The following RNF121 variants were observed in gnomAD, a reference collection of about 807,000 sequenced individuals.
RNF121 encodes the protein ring finger protein 121.
RNF121 carries 21 observed loss-of-function variants against 46.5 expected under a neutral mutation model. That is an observed-to-expected ratio of 0.45 (90% CI 0.32 to 0.65). The LOEUF is 0.65. Ranked by LOEUF, RNF121 falls within the 30% of genes least tolerant of loss-of-function variation. The pLI is 0.04. For synonymous variants in RNF121, 139 were observed against 144.7 expected (o/e 0.96, Z 0.28); for missense variants, 346 against 416.0 (o/e 0.83, Z 1.46).
At chr11:71,932,633 G>T (rs954763000) in intron 1 of RNF121, among the ~76,000 whole-genome samples, 13 of 152,212 alleles carry the variant, frequency 8.5e-5, no homozygotes, top group African/African-American at 2.9e-4. Flanking sequence ...GGAAGCTGAG[G>T]TTCAGAGGAT....
intron 7 of RNF121, 36 bp downstream of exon 7, chr11:71,994,888 T>A (rs1419322182): frequency 6.2e-7 from 1 of 1,613,610 alleles, no homozygotes; most frequent in Non-Finnish European, 8.5e-7. Context: ...ACATCTCTCC[T>A]GCAATCTGCA....
At chr11:71,952,242 A>G (rs1823577128) in intron 1 of RNF121, among the ~76,000 whole-genome samples, 1 of 152,236 alleles carries the variant, frequency 6.6e-6, no homozygotes, top group Admixed American at 6.5e-5. Context: ...TTATGATCCC[A>G]TTTATATGAA....
At chr11:71,962,741 T>TAA (rs1954166617) in intron 3 of RNF121, among the ~76,000 whole-genome samples, 1 of 152,232 alleles carries the variant, frequency 6.6e-6, no homozygotes, top group East Asian at 1.9e-4. Context: ...AGTCATGTGG[T>TAA]AACTCTGTGT....
At chr11:71,937,245 T>A (rs964653829) in intron 1 of RNF121, among the ~76,000 whole-genome samples, 1 of 152,204 alleles carries the variant, frequency 6.6e-6, no homozygotes, top group African/African-American at 2.4e-5. Context: ...TTTTTTCATC[T>A]CTGTATTTTC....
chr11:71,947,484 A>G (rs929351178), intron 1 of RNF121, among the ~76,000 whole-genome samples: 1 of 2,388 alleles, frequency 4.2e-4, no homozygotes, highest in African/African-American at 8.4e-4. Flanking sequence ...GACCTGTCTC[A>G]AAAAAAAAAA....
At chr11:71,929,667 A>G (rs1953218556) in intron 1 of RNF121, among the ~76,000 whole-genome samples, 1 of 152,216 alleles carries the variant, frequency 6.6e-6, no homozygotes, top group Non-Finnish European at 1.5e-5. Flanking sequence ...TTGGCCAACG[A>G]ATGAAGGAAC....
At chr11:71,946,861 C>T in intron 1 of RNF121, among the ~76,000 whole-genome samples, 1 of 124,184 alleles carries the variant, frequency 8.1e-6, no homozygotes, top group Admixed American at 9.1e-5. Flanking sequence ...TACAGGTGCT[C>T]TGGCTCTTTT....
At chr11:71,936,057 C>T (rs1953399890) in intron 1 of RNF121, among the ~76,000 whole-genome samples, 2 of 151,722 alleles carry the variant, frequency 1.3e-5, no homozygotes, top group South Asian at 4.2e-4. Context: ...CCGTGTTAGC[C>T]AGGACGGTCT....
At chr11:71,929,598 A>T (rs1366771635) in intron 1 of RNF121, among the ~76,000 whole-genome samples, 1 of 152,144 alleles carries the variant, frequency 6.6e-6, no homozygotes, top group Non-Finnish European at 1.5e-5. Context: ...TAAAGTTGGA[A>T]CTGTTTTATT....
chr11:71,951,522 T>C (rs750092412), intron 1 of RNF121, among the ~76,000 whole-genome samples: 1 of 151,218 alleles, frequency 6.6e-6, no homozygotes, highest in Non-Finnish European at 1.5e-5. Flanking sequence ...GCTACTTGGG[T>C]GGCTGGGGTG....
intron 4 of RNF121, among the ~76,000 whole-genome samples, chr11:71,984,745 A>ATTTTTTTTTTTTTTTTTTTTT (rs56134788): frequency 2.1e-5 from 2 of 94,868 alleles, no homozygotes; most frequent in African/African-American, 8.8e-5. Context: ...CACCCGGCTA[A>ATTTTTTTTTTTTTTTTTTTTT]TTTTTTTTTT....
intron 3 of RNF121, among the ~76,000 whole-genome samples, chr11:71,977,235 G>A (rs1170721743): frequency 6.6e-6 from 1 of 152,164 alleles, no homozygotes; most frequent in Non-Finnish European, 1.5e-5. Flanking sequence ...CAACATGAGG[G>A]GATGCAGAGG....
intron 1 of RNF121, among the ~76,000 whole-genome samples, chr11:71,942,770 C>CTG (rs1362576461): frequency 9.6e-4 from 22 of 22,992 alleles, no homozygotes; most frequent in Non-Finnish European, 2.1e-3. Context: ...ATCTATATAT[C>CTG]TGTATATATA....
intron 4 of RNF121, among the ~76,000 whole-genome samples, chr11:71,986,029 T>G (rs975125649): frequency 4.6e-5 from 7 of 152,166 alleles, no homozygotes; most frequent in Non-Finnish European, 7.3e-5. Flanking sequence ...TACACTGTCT[T>G]CATTGGCTCC....
At position 71,957,259 on chromosome 11, in the gene RNF121, A is replaced by G. The variant is rs61749189; in HGVS notation, c.96A>G (p.Gln32=). ...VDMSDLSPEE[Q]WRVEHARMHA... ...TGTCAGATCTCTCTCCAGAAGAGCA[A>G]TGGAGGTAAGTGTGGTAGTTCGGGC... Residue 32 remains glutamine, a synonymous_variant, in exon 2 of 9, where the codon CAA becomes CAG. Transcript: ENST00000361756. 20,266 of 1,599,406 alleles carry G rather than the reference A, an allele frequency of 0.013. 153 individuals are homozygous for G. Among genetic ancestry groups the G allele is most frequent in the Non-Finnish European group, 0.015 (17,169 of 1,166,582 alleles).
intron 3 of RNF121, among the ~76,000 whole-genome samples, chr11:71,974,492 A>G (rs79584709): frequency 1.5e-3 from 236 of 152,268 alleles, no homozygotes; most frequent in African/African-American, 5.5e-3. Flanking sequence ...CAGGGTAGGT[A>G]TTTATCTTCA....
chr11:71,967,188 A>G (rs1456183242), intron 3 of RNF121, among the ~76,000 whole-genome samples: 1 of 150,904 alleles, frequency 6.6e-6, no homozygotes, highest in African/African-American at 2.4e-5. Context: ...GTGTTTTTTA[A>G]ATAACATGTT....
rs376190587 is a variant in RNF121 at position 71,929,050 on chromosome 11, C to T, written c.-12C>T. On this transcript the variant is annotated 5_prime_UTR_variant, in exon 1 of 9. Coordinates refer to ENST00000361756, the MANE Select transcript of RNF121 (RefSeq NM_018320.5). ...TCGCGCGGGGACTGCGGTGAGGGGG[C>T]GAGCCGTGAAGATGGCGGCAGTGGT... 119 of 1,517,990 alleles carry T rather than the reference C, an allele frequency of 7.8e-5. No homozygotes were observed. The East Asian group carries it at 2.3e-3, about 30-fold the overall frequency. The allele number at this position is 1,517,990 out of a possible 1,614,324, so 94.0% of individuals were successfully genotyped here. A position where few individuals can be genotyped will look rare whatever the true frequency, so the allele number is the denominator to read the frequency against.
chr11:71,995,949 C>T (rs576906714), intron 8 of RNF121, among the ~76,000 whole-genome samples: 1 of 152,294 alleles, frequency 6.6e-6, no homozygotes, highest in African/African-American at 2.4e-5. Context: ...TATCTGCCTC[C>T]CACCTTCTCT....
Sources: allele counts gnomAD v4.1 joint callset (sites outside exome capture counted in the v4.1 genomes callset), GRCh38; gene constraint gnomAD v4.1.1; transcripts MANE v1.5; gene names NCBI Gene and HGNC (gene_info 2026-07-23, HGNC 2026-07-21).